The following CIB1 variants were observed in gnomAD, a reference collection of about 807,000 sequenced individuals.
CIB1 encodes calcium and integrin binding 1.
In CIB1, 19 loss-of-function variants were observed where a neutral mutation model predicts 25.0. The ratio of observed to expected loss-of-function variants is 0.76; its 90% CI spans 0.53 to 1.12. The LOEUF (loss-of-function observed/expected upper bound fraction) is 1.12. Ranked by LOEUF, CIB1 falls within the 50% of genes most tolerant of loss-of-function variation. CIB1 has a pLI of 0.00. For missense variants in CIB1, 236 were observed against 242.6 expected, an observed-to-expected ratio of 0.97 and a Z score of 0.18; for synonymous variants, 104 against 98.5, an observed-to-expected ratio of 1.06 and a Z score of -0.33.
chr15:90,264,249 T>A, the CIB1 span, among the ~76,000 whole-genome samples: 2 of 152,156 alleles, frequency 1.3e-5, no homozygotes, highest in Non-Finnish European at 2.9e-5. Context: ...TGAAGTACAA[T>A]GGCTTGATCT....
At position 90,233,882 on chromosome 15, in the gene CIB1, C is replaced by G. The variant is rs763495938; in HGVS notation, c.4G>C (p.Gly2Arg). M[G>R]GSGSRLSKEL... ...TTGGACAGGCGACTGCCCGAGCCCC[C>G]CATCGCCCCGCCGCGCGCACAGCTC... Residue 2 changes from glycine (G) to arginine (R), a missense_variant, in exon 1 of 7, where the codon GGG (glycine) becomes CGG (arginine). Coordinates refer to ENST00000328649, the MANE Select transcript of CIB1 (RefSeq NM_006384.4). 3 of 1,475,026 alleles carry G rather than the reference C, an allele frequency of 2.0e-6. No individual in the cohort carries two copies. Among genetic ancestry groups the G allele is most frequent in the Admixed American group, 2.5e-5 (1 of 39,974 alleles). The allele number at this position is 1,475,026 out of a possible 1,614,324, so 91.4% of individuals were successfully genotyped here. A position where few individuals can be genotyped will look rare whatever the true frequency, so the allele number is the denominator to read the frequency against.
the CIB1 span, chr15:90,265,174 G>A: frequency 1.5e-6 from 2 of 1,291,206 alleles, no homozygotes; most frequent in Non-Finnish European, 2.0e-6. Context: ...ACTAGAAGAT[G>A]AAGAGGCGCC....
At chr15:90,235,671 C>T (rs1962619575), upstream of CIB1, among the ~76,000 whole-genome samples, 1 of 150,778 alleles carries the variant, frequency 6.6e-6, no homozygotes, top group South Asian at 2.1e-4. Flanking sequence ...GGGTTCACGC[C>T]ATTCTTCTAC....
chr15:90,251,943 T>C, the CIB1 span, among the ~76,000 whole-genome samples: 2 of 151,830 alleles, frequency 1.3e-5, no homozygotes, highest in Non-Finnish European at 2.9e-5. Context: ...ATTGCAATCA[T>C]AGCTTAATGC....
the CIB1 span, among the ~76,000 whole-genome samples, chr15:90,252,009 G>A: frequency 6.6e-6 from 1 of 150,750 alleles, no homozygotes; most frequent in Admixed American, 6.7e-5. Context: ...CAGTAGCTGG[G>A]ACTACAGGCC....
chr15:90,241,966 C>G, the CIB1 span: 1 of 1,613,956 alleles, frequency 6.2e-7, no homozygotes, highest in Non-Finnish European at 8.5e-7. Flanking sequence ...CTGACAGAGG[C>G]AGCTGCTGTG....
upstream of CIB1, among the ~76,000 whole-genome samples, chr15:90,236,758 G>A (rs1219200864): frequency 6.6e-6 from 1 of 151,600 alleles, no homozygotes; most frequent in African/African-American, 2.4e-5. Context: ...GGATGGTCTC[G>A]ATCTCCTGAT....
chr15:90,240,774 A>G, the CIB1 span: 1 of 640,722 alleles, frequency 1.6e-6, no homozygotes, highest in Non-Finnish European at 2.6e-6. Context: ...GATCACTGCC[A>G]CTGCACTCCA....
chr15:90,241,671 T>G, the CIB1 span: 1 of 1,614,240 alleles, frequency 6.2e-7, no homozygotes, highest in Non-Finnish European at 8.5e-7. Context: ...AGCTCCTGGC[T>G]TCCTCTTTTA....
At chr15:90,256,567 TTC>T in the CIB1 span, among the ~76,000 whole-genome samples, 14 of 30,442 alleles carry the variant, frequency 4.6e-4, no homozygotes, top group Admixed American at 1.4e-3. Context: ...CTTTCTTTCT[TTC>T]TTTCTTTCTT....
chr15:90,254,821 G>C, the CIB1 span, among the ~76,000 whole-genome samples: 1 of 152,148 alleles, frequency 6.6e-6, no homozygotes, highest in African/African-American at 2.4e-5. Context: ...ACTCCAGCCT[G>C]GGCGACAGAG....
chr15:90,232,437 C>A, intron 2 of CIB1, 110 bp from the exon 3 acceptor site: 4 of 1,439,990 alleles, frequency 2.8e-6, no homozygotes, highest in Non-Finnish European at 2.7e-6. Flanking sequence ...GCTAAAACCA[C>A]GTACACAGAA....
the CIB1 span, among the ~76,000 whole-genome samples, chr15:90,261,328 C>T: frequency 1.5e-3 from 221 of 151,194 alleles, no homozygotes; most frequent in African/African-American, 4.8e-3. Flanking sequence ...ATCCACCCGC[C>T]TTGGCCTCCC....
At position 90,230,041 on chromosome 15, in the gene CIB1, C is replaced by T. The variant is rs182236217; in HGVS notation, c.*443G>A. 126 of 208,268 alleles carry T rather than the reference C, an allele frequency of 6.0e-4. 1 individual carries two copies. The highest frequency in any genetic ancestry group is 1.9e-3 in the Middle Eastern group (1 of 514). 12.9% of individuals were successfully genotyped at this position (208,268 alleles called of 1,614,324 possible). On this transcript the variant is annotated 3_prime_UTR_variant, in exon 7 of 7. Coordinates refer to ENST00000328649, the MANE Select transcript of CIB1 (RefSeq NM_006384.4). ...TTGATGCATGCAGAGACTCATCTAA[C>T]CACCACCCCAATCAGGATACAGGCG...
upstream of CIB1, among the ~76,000 whole-genome samples, chr15:90,237,083 C>G (rs889228961): frequency 1.3e-5 from 2 of 151,792 alleles, no homozygotes; most frequent in Admixed American, 1.3e-4. Context: ...CTTAGCCTCC[C>G]GAGTAGCTGA....
chr15:90,256,172 C>T, the CIB1 span: 12 of 1,614,028 alleles, frequency 7.4e-6, no homozygotes, highest in South Asian at 2.2e-5. Flanking sequence ...CGGTCGTCAG[C>T]GAAAAGCCCG....
the CIB1 span, chr15:90,240,907 C>G: frequency 6.2e-7 from 1 of 1,610,316 alleles, no homozygotes; most frequent in Non-Finnish European, 8.5e-7. Context: ...CAGGTCAGCT[C>G]TATGGCTCTT....
intron 4 of CIB1, 28 bp from the exon 5 acceptor site, chr15:90,231,241 G>T: frequency 1.9e-6 from 3 of 1,613,334 alleles, no homozygotes; most frequent in Non-Finnish European, 2.5e-6. Flanking sequence ...GAAGCCAAAA[G>T]ACACGGTTGG....
At position 90,230,371 on chromosome 15, in the gene CIB1, G is replaced by T; in HGVS notation, c.*113C>A. On this transcript the variant is annotated 3_prime_UTR_variant, in exon 7 of 7. Transcript: ENST00000328649. ...CCCGGGGTGAGGCTGCACAGCGCCA[G>T]CTCCAGGCTGGGCCAGCTTGGCCCG... 2 of 1,287,284 alleles carry T rather than the reference G, an allele frequency of 1.6e-6. No individual in the cohort carries two copies. Among genetic ancestry groups the T allele is most frequent in the Non-Finnish European group, 2.2e-6 (2 of 917,604 alleles). 79.7% of individuals were successfully genotyped at this position (1,287,284 alleles called of 1,614,324 possible). A position where few individuals can be genotyped will look rare whatever the true frequency, so the allele number is the denominator to read the frequency against.
Sources: gnomAD v4.1 joint callset for allele counts (sites outside exome capture counted in the v4.1 genomes callset) on GRCh38, gnomAD v4.1.1 for gene constraint, MANE v1.5 for transcripts, NCBI Gene and HGNC (gene_info 2026-07-23, HGNC 2026-07-21) for gene names.